PPARGC1A: variants seen among roughly 807,000 people sequenced by gnomAD.
PPARGC1A encodes the protein PPARG coactivator 1 alpha.
PPARGC1A carries 25 observed loss-of-function variants against 88.7 expected under a neutral mutation model. That is an observed-to-expected ratio of 0.28 (90% CI 0.21 to 0.39). The LOEUF (loss-of-function observed/expected upper bound fraction) is 0.39. Ranked by LOEUF, PPARGC1A falls within the 10% of genes least tolerant of loss-of-function variation. PPARGC1A has a pLI of 1.00. For missense variants in PPARGC1A, 880 were observed against 968.7 expected (o/e 0.91, Z 1.22); for synonymous variants, 363 against 355.6 (o/e 1.02, Z -0.24).
At chr4:24,216,195 C>G in the PPARGC1A span, among the ~76,000 whole-genome samples, 1 of 140,708 alleles carries the variant, frequency 7.1e-6, no homozygotes, top group Non-Finnish European at 1.5e-5. Flanking sequence ...TCGCCCAGAC[C>G]GGAGTGCAAT....
the PPARGC1A span, among the ~76,000 whole-genome samples, chr4:24,304,952 C>T: frequency 3.3e-5 from 5 of 151,926 alleles, no homozygotes; most frequent in Admixed American, 3.3e-4. Context: ...GTGGCAAACC[C>T]CGCGCCAGGT....
the PPARGC1A span, among the ~76,000 whole-genome samples, chr4:24,300,509 G>T: frequency 3.3e-3 from 504 of 151,724 alleles, 5 homozygotes; most frequent in African/African-American, 0.012. Context: ...ACTATAAATG[G>T]ATAATATCAA....
the PPARGC1A span, among the ~76,000 whole-genome samples, chr4:24,174,678 G>T: frequency 6.6e-6 from 1 of 152,150 alleles, no homozygotes; most frequent in East Asian, 1.9e-4. Context: ...TGTCAGAGCT[G>T]GGTTCCAACC....
chr4:23,924,050 C>G, the PPARGC1A span, among the ~76,000 whole-genome samples: 1 of 152,226 alleles, frequency 6.6e-6, no homozygotes, highest in South Asian at 2.1e-4. Flanking sequence ...GCCCTGGCCT[C>G]TCCTGGGCAC....
At chr4:24,155,700 G>T in the PPARGC1A span, among the ~76,000 whole-genome samples, 1,445 of 152,244 alleles carry the variant, frequency 9.5e-3, 29 homozygotes, top group African/African-American at 0.033. Context: ...CACAAACACT[G>T]AGGCAAGTAT....
At chr4:23,904,903 G>A (rs916467445), upstream of PPARGC1A, among the ~76,000 whole-genome samples, 2 of 152,302 alleles carry the variant, frequency 1.3e-5, no homozygotes, top group South Asian at 2.1e-4. Context: ...TCTGACAGCC[G>A]CTGGCTCTTA....
the PPARGC1A span, among the ~76,000 whole-genome samples, chr4:24,268,063 C>CA: frequency 1.1e-4 from 16 of 152,038 alleles, no homozygotes; most frequent in Admixed American, 8.5e-4. Flanking sequence ...CTTGAAACAA[C>CA]AAAAAAATGT....
chr4:24,061,250 G>C, the PPARGC1A span, among the ~76,000 whole-genome samples: 1 of 152,136 alleles, frequency 6.6e-6, no homozygotes. Flanking sequence ...GTGAATGTGG[G>C]TTGGATTCAC....
At chr4:23,941,188 C>T in the PPARGC1A span, among the ~76,000 whole-genome samples, 545 of 152,216 alleles carry the variant, frequency 3.6e-3, 5 homozygotes, top group Non-Finnish European at 5.9e-3. Flanking sequence ...CGTAGCTAGG[C>T]CTATAGGCGT....
the PPARGC1A span, among the ~76,000 whole-genome samples, chr4:24,089,607 T>C: frequency 4.0e-5 from 6 of 150,292 alleles, no homozygotes; most frequent in South Asian, 2.1e-4. Flanking sequence ...GCCTCCCGGG[T>C]TCACGCCATT....
At chr4:24,024,039 T>C in the PPARGC1A span, among the ~76,000 whole-genome samples, 1 of 152,232 alleles carries the variant, frequency 6.6e-6, no homozygotes, top group African/African-American at 2.4e-5. Flanking sequence ...TTTTGCCTTC[T>C]GGGTGTAGTC....
At chr4:23,969,840 T>A in the PPARGC1A span, among the ~76,000 whole-genome samples, 4 of 152,192 alleles carry the variant, frequency 2.6e-5, no homozygotes, top group African/African-American at 9.7e-5. Flanking sequence ...TTACACACTC[T>A]CCACAGGAAG....
the PPARGC1A span, among the ~76,000 whole-genome samples, chr4:24,121,319 C>G: frequency 6.6e-6 from 1 of 152,144 alleles, no homozygotes; most frequent in African/African-American, 2.4e-5. Flanking sequence ...GTTAGAACAC[C>G]GCCAACCCTG....
At chr4:24,308,388 A>C in the PPARGC1A span, among the ~76,000 whole-genome samples, 4 of 152,048 alleles carry the variant, frequency 2.6e-5, no homozygotes, top group Non-Finnish European at 4.4e-5. Flanking sequence ...GAATCAGGTT[A>C]ACTTTTATTT....
chr4:23,920,871 C>A, the PPARGC1A span, among the ~76,000 whole-genome samples: 20 of 152,272 alleles, frequency 1.3e-4, no homozygotes, highest in African/African-American at 4.8e-4. Flanking sequence ...ATTCTTCAAA[C>A]CAGTTCAGCC....
chr4:24,258,091 A>G, the PPARGC1A span: 23 of 372,172 alleles, frequency 6.2e-5, no homozygotes, highest in African/African-American at 4.6e-4. Context: ...GATTATCAAT[A>G]TCTGGGTGTG....
the PPARGC1A span, among the ~76,000 whole-genome samples, chr4:24,277,254 T>C: frequency 6.6e-6 from 1 of 152,208 alleles, no homozygotes; most frequent in South Asian, 2.1e-4. Context: ...AATTTTTGTA[T>C]TTTTTATAGA....
At chr4:24,088,749 T>A in the PPARGC1A span, among the ~76,000 whole-genome samples, 2 of 152,216 alleles carry the variant, frequency 1.3e-5, no homozygotes, top group Non-Finnish European at 2.9e-5. Flanking sequence ...TCATGCTTTT[T>A]CCCTTTCTTA....
chr4:24,322,064 A>G, the PPARGC1A span, among the ~76,000 whole-genome samples: 2 of 152,232 alleles, frequency 1.3e-5, no homozygotes, highest in East Asian at 3.8e-4. Flanking sequence ...CTTCCCCAAG[A>G]AGGCTTGCAA....
Sources: gnomAD v4.1 joint callset for allele counts (sites outside exome capture counted in the v4.1 genomes callset) on GRCh38, gnomAD v4.1.1 for gene constraint, MANE v1.5 for transcripts, NCBI Gene and HGNC (gene_info 2026-07-23, HGNC 2026-07-21) for gene names.